TNS1: variants seen among roughly 807,000 people sequenced by gnomAD.
The protein encoded by TNS1 is tensin-1.
Under a neutral mutation model 168.6 loss-of-function variants are expected in TNS1, and 62 were observed. That is an observed-to-expected ratio of 0.37 (90% CI 0.30 to 0.45). The LOEUF is 0.45. Ranked by LOEUF, TNS1 falls within the 20% of genes least tolerant of loss-of-function variation. The pLI, the probability that TNS1 is intolerant of heterozygous loss-of-function variation, is 1.00. For synonymous variants in TNS1, 934 were observed against 933.2 expected, an observed-to-expected ratio of 1.00 and a Z score of -0.02; for missense variants, 2,240 against 2,339.4, an observed-to-expected ratio of 0.96 and a Z score of 0.88.
chr2:217,848,255 C>A lies in TNS1; in HGVS notation c.2262G>T (p.Leu754=), dbSNP rs777058907. ...TTCCCCCTCGGACCGGAGCTGGGGG[C>A]AGCTGGGGTTCAGCTTCCGAAAAGG... The part of the protein sequence containing the change: ...SQSFSEAEPQ[L]PPAPVRGGSS... The change falls in exon 19 of 33, where the codon CTG becomes CTT. Residue 754 remains leucine (L), a synonymous_variant. Coordinates refer to ENST00000682258, the MANE Select transcript of TNS1 (RefSeq NM_001387777.1). 4 of 1,555,784 alleles carry A rather than the reference C, an allele frequency of 2.6e-6. No individual in the cohort carries two copies. In the East Asian group the frequency reaches 9.0e-5, roughly 35 times the overall value.
intron 4 of TNS1, among the ~76,000 whole-genome samples, chr2:217,914,366 T>C (rs1954766562): frequency 2.0e-5 from 3 of 152,236 alleles, no homozygotes; most frequent in Admixed American, 6.5e-5. Flanking sequence ...CTGTGGATCT[T>C]GTCACTTTGT....
chr2:217,992,206 C>T (rs1234266141), intron 1 of TNS1, among the ~76,000 whole-genome samples: 2 of 152,146 alleles, frequency 1.3e-5, no homozygotes, highest in Non-Finnish European at 2.9e-5. Context: ...ACCTGATTCC[C>T]TTCCCAGCTG....
chr2:217,966,306 T>C (rs55828421), intron 3 of TNS1, among the ~76,000 whole-genome samples: 33,282 of 133,242 alleles, frequency 0.25, 4,151 homozygotes, highest in East Asian at 0.36. Flanking sequence ...TGTGTGTGTG[T>C]GTGCGCGCGC....
intron 18 of TNS1, among the ~76,000 whole-genome samples, chr2:217,871,626 G>A (rs992293517): frequency 2.0e-5 from 3 of 152,272 alleles, no homozygotes; most frequent in South Asian, 2.1e-4. Flanking sequence ...GGCAAACAGC[G>A]TGGTGCACAC....
intron 3 of TNS1, among the ~76,000 whole-genome samples, chr2:217,945,032 G>T (rs1957067890): frequency 6.6e-6 from 1 of 152,210 alleles, no homozygotes; most frequent in African/African-American, 2.4e-5. Context: ...TATAGCTGAA[G>T]ATCGTGACCT....
At chr2:217,977,759 T>G (rs1325578349) in intron 3 of TNS1, among the ~76,000 whole-genome samples, 1 of 152,186 alleles carries the variant, frequency 6.6e-6, no homozygotes, top group Non-Finnish European at 1.5e-5. Flanking sequence ...AAACATGAGA[T>G]GTACCAGATA....
At chr2:217,882,514 G>GTAT in intron 16 of TNS1, 103 bp from the exon 17 acceptor site, 1 of 635,832 alleles carries the variant, frequency 1.6e-6, no homozygotes, top group Non-Finnish European at 2.7e-6. Flanking sequence ...TATGTACATG[G>GTAT]TTAATAATAT....
At chr2:217,956,523 C>G (rs1460589314) in intron 3 of TNS1, among the ~76,000 whole-genome samples, 1 of 152,120 alleles carries the variant, frequency 6.6e-6, no homozygotes, top group Admixed American at 6.5e-5. Context: ...GAGACACAGG[C>G]GCTGGAAAGT....
intron 18 of TNS1, among the ~76,000 whole-genome samples, chr2:217,857,895 A>G (rs1948344355): frequency 6.6e-6 from 1 of 152,172 alleles, no homozygotes; most frequent in African/African-American, 2.4e-5. Context: ...AGAGCCCACA[A>G]CAAGCTGAAG....
At chr2:217,988,403 G>A (rs1310537981) in intron 2 of TNS1, among the ~76,000 whole-genome samples, 1 of 152,202 alleles carries the variant, frequency 6.6e-6, no homozygotes, top group East Asian at 1.9e-4. Flanking sequence ...GGAGACTGCA[G>A]CCAGAGAAAT....
At chr2:218,006,303 G>A (rs1958657049), upstream of TNS1, among the ~76,000 whole-genome samples, 1 of 152,346 alleles carries the variant, frequency 6.6e-6, no homozygotes, top group East Asian at 1.9e-4. Context: ...CTGGGCCTCA[G>A]TTTCCTTTAC....
chr2:217,810,421 G>T, intron 28 of TNS1, 102 bp from the exon 29 acceptor site: 1 of 1,090,074 alleles, frequency 9.2e-7, no homozygotes, highest in Non-Finnish European at 1.4e-6. Flanking sequence ...CAGAAGGAAC[G>T]CTGCTTTTCA....
Position 218,033,222 on chromosome 2 carries a change from C to A in TNS1, c.156+598G>T, listed in dbSNP as rs1336363875. ...AAACCAGCACCACACCTATCCCAGGCCTGATGGTTCCCTGGCAGACTCCTC... is the reference window on the plus strand; with the variant it reads ...AAACCAGCACCACACCTATCCCAGGACTGATGGTTCCCTGGCAGACTCCTC... On this transcript the variant is annotated intron_variant, in intron 1 of 1. Coordinates refer to the TNS1 transcript ENST00000649572. This position sits in a 1 kb window ranked among gnomAD's most constrained non-coding sequence, Gnocchi z 4.3. Among the ~76,000 whole-genome samples the A allele has an allele frequency of 1.3e-5, 2 of 152,190 alleles. No individual in the cohort carries two copies. The highest frequency in any genetic ancestry group is 1.9e-4 in the East Asian group (1 of 5,186).
At chr2:217,902,613 C>T (rs970956396) in intron 6 of TNS1, among the ~76,000 whole-genome samples, 2 of 152,110 alleles carry the variant, frequency 1.3e-5, no homozygotes, top group African/African-American at 4.8e-5. Context: ...TCAGCCTCCC[C>T]ACCCCAAAAA....
chr2:217,805,406 C>T (rs566369994), intron 32 of TNS1, among the ~76,000 whole-genome samples: 1 of 48,730 alleles, frequency 2.1e-5, no homozygotes, highest in Non-Finnish European at 4.6e-5. Flanking sequence ...TCCCTGTGTG[C>T]CTGTGTGTAC....
At chr2:217,939,805 A>C (rs1033992593) in intron 3 of TNS1, among the ~76,000 whole-genome samples, 2 of 152,076 alleles carry the variant, frequency 1.3e-5, no homozygotes, top group African/African-American at 2.4e-5. Context: ...GCTCAGGCCC[A>C]CCCACCACCC....
intron 3 of TNS1, among the ~76,000 whole-genome samples, chr2:217,923,700 C>T (rs753474433): frequency 1.3e-5 from 2 of 152,194 alleles, no homozygotes; most frequent in Non-Finnish European, 2.9e-5. Flanking sequence ...AGTTACTGTA[C>T]CAAGCCCTTT....
In TNS1 at chr2:217,813,658, G is replaced by A; in HGVS notation, c.4861+27C>T. Reference sequence around the variant, plus strand: ...GCGACTGTAAAGCTCACCTGGTCCTGAGCCCCATTCTGGGAGATGAGGTTA... The same window carrying A: ...GCGACTGTAAAGCTCACCTGGTCCTAAGCCCCATTCTGGGAGATGAGGTTA... On this transcript the variant is annotated intron_variant, in intron 26 of 32. Coordinates refer to ENST00000682258, the MANE Select transcript of TNS1 (RefSeq NM_001387777.1). This position sits in a 1 kb window ranked among gnomAD's most constrained non-coding sequence, Gnocchi z 4.0. 6.3e-7 allele frequency: 1 copy of A among 1,591,174 alleles called. No homozygotes were observed. The highest frequency in any genetic ancestry group is 8.6e-7 in the Non-Finnish European group (1 of 1,167,436).
chr2:217,860,210 C>T (rs1948654536), intron 18 of TNS1, among the ~76,000 whole-genome samples: 1 of 152,194 alleles, frequency 6.6e-6, no homozygotes. Context: ...ACACCTGAGC[C>T]CTCAGCCCCT....
Sources: gnomAD v4.1 joint callset for allele counts (sites outside exome capture counted in the v4.1 genomes callset) on GRCh38, gnomAD v4.1.1 for gene constraint, Gnocchi (gnomAD v3.1) non-coding constraint, MANE v1.5 for transcripts, NCBI Gene and HGNC (gene_info 2026-07-23, HGNC 2026-07-21) for gene names.